The following PLCG2 variants were observed in gnomAD, a reference collection of about 807,000 sequenced individuals.
The protein encoded by PLCG2 is 1-phosphatidylinositol 4,5-bisphosphate phosphodiesterase gamma-2.
In PLCG2, 69 loss-of-function variants were observed where a neutral mutation model predicts 175.6. The ratio of observed to expected loss-of-function variants is 0.39; its 90% CI spans 0.32 to 0.48. The LOEUF is 0.48. Among genes scored for constraint, PLCG2 ranks in the 20% least tolerant of loss-of-function variants. PLCG2 has a pLI of 0.91. For missense variants in PLCG2, 1,798 were observed against 1,650.9 expected, an observed-to-expected ratio of 1.09 and a Z score of -1.54; for synonymous variants, 827 against 624.0, an observed-to-expected ratio of 1.33 and a Z score of -4.85.
At chr16:81,850,321 G>C (rs993792866) in intron 2 of PLCG2, among the ~76,000 whole-genome samples, 1 of 152,158 alleles carries the variant, frequency 6.6e-6, no homozygotes. Context: ...CATGAAGTCT[G>C]TAAAAGTACT....
chr16:81,922,453 G>C (rs1020148008), intron 21 of PLCG2, among the ~76,000 whole-genome samples: 4 of 152,336 alleles, frequency 2.6e-5, no homozygotes, highest in Non-Finnish European at 4.4e-5. Flanking sequence ...CGATACTATA[G>C]TTAGCACTTA....
At chr16:81,794,824 T>A (rs914687158) in intron 2 of PLCG2, among the ~76,000 whole-genome samples, 1 of 152,164 alleles carries the variant, frequency 6.6e-6, no homozygotes, top group Non-Finnish European at 1.5e-5. Flanking sequence ...ACATTTTCCA[T>A]TTATATGAGG....
At chr16:81,943,269 C>A (rs2143747062) in intron 30 of PLCG2, among the ~76,000 whole-genome samples, 1 of 152,346 alleles carries the variant, frequency 6.6e-6, no homozygotes, top group East Asian at 1.9e-4. Flanking sequence ...GCTCACAGTT[C>A]TGCAGGCTGT....
At chr16:81,764,445 A>G (rs1461252214) in intron 2 of PLCG2, among the ~76,000 whole-genome samples, 1 of 152,192 alleles carries the variant, frequency 6.6e-6, no homozygotes, top group Non-Finnish European at 1.5e-5. Flanking sequence ...GAATCAGGGG[A>G]TGTGTCTTTG....
intron 9 of PLCG2, among the ~76,000 whole-genome samples, chr16:81,887,672 C>T (rs1448892587): frequency 1.3e-5 from 2 of 152,192 alleles, no homozygotes; most frequent in African/African-American, 2.4e-5. Context: ...GCATCCAGCC[C>T]TTCCCATCTA....
chr16:81,793,417 G>C (rs952485336), intron 2 of PLCG2, among the ~76,000 whole-genome samples: 1 of 152,208 alleles, frequency 6.6e-6, no homozygotes, highest in Non-Finnish European at 1.5e-5. Context: ...CTTGGATTTT[G>C]TCTCAGGAGC....
In PLCG2 at chr16:81,932,857, G is replaced by A. The variant is rs1015726235; in HGVS notation, c.2739+1203G>A. On this transcript the variant is annotated intron_variant, in intron 25 of 32. Transcript: ENST00000564138. ...ACCAGCCATGGGGGAGGAACCATGA[G>A]CTTGTAGCCAGCTGCGCTGTCCTTC... 2.0e-5 allele frequency among the ~76,000 whole-genome samples: 3 copies of A among 152,234 alleles called. No homozygotes were observed. The East Asian group carries it at 5.8e-4, about 29-fold the overall frequency.
At chr16:81,871,066 T>C in intron 7 of PLCG2, 131 bp downstream of exon 7, 1 of 558,346 alleles carries the variant, frequency 1.8e-6, no homozygotes, top group Non-Finnish European at 3.1e-6. Flanking sequence ...TAAATGAGAA[T>C]GATGAAAGCA....
Position 81,907,687 on chromosome 16 carries a change from A to G in PLCG2, c.1470A>G (p.Lys490=). 6.2e-7 allele frequency: 1 copy of G among 1,612,676 alleles called. No homozygotes were observed. Among genetic ancestry groups the G allele is most frequent in the African/African-American group, 1.3e-5 (1 of 75,030 alleles). ...CTAATACCAGTTTCACTTTCTAGAA[A>G]TGGACTCGGCACTACTGCGCCATTG... is the stretch of plus-strand genomic sequence containing the variant. ...ELYMWDSIDQ[K]WTRHYCAIAD... Residue 490 remains lysine (K), a splice_region_variant and synonymous_variant, in exon 16 of 33, where the codon AAA becomes AAG. Transcript: ENST00000564138.
intron 2 of PLCG2, among the ~76,000 whole-genome samples, chr16:81,787,602 T>C (rs1353138827): frequency 6.6e-6 from 1 of 151,448 alleles, no homozygotes; most frequent in Non-Finnish European, 1.5e-5. Context: ...AATTCACCCA[T>C]TGTATGCAGC....
At chr16:81,921,448 G>GA (rs759913611) in intron 21 of PLCG2, 179 bp downstream of exon 21, 1 of 655,470 alleles carries the variant, frequency 1.5e-6, no homozygotes. Flanking sequence ...TAGTTTCAGG[G>GA]AAAATGTTAA....
chr16:81,744,452 C>T (rs952686226), intron 1 of PLCG2, among the ~76,000 whole-genome samples: 26 of 151,968 alleles, frequency 1.7e-4, no homozygotes, highest in African/African-American at 4.8e-4. Flanking sequence ...CGTGAGCCAC[C>T]GCACCCAGTC....
At chr16:81,740,138 C>CAAAAAAAAAAAAAAAAAAAAAAAAAAA (rs5818349) in intron 1 of PLCG2, 1 of 88,726 alleles carries the variant, frequency 1.1e-5, no homozygotes, top group Non-Finnish European at 2.1e-5. Flanking sequence ...ACTCTGTCTC[C>CAAAAAAAAAAAAAAAAAAAAAAAAAAA]AAAAAAAAAA....
intron 31 of PLCG2, among the ~76,000 whole-genome samples, chr16:81,950,561 G>A (rs190930715): frequency 1.3e-5 from 2 of 152,224 alleles, no homozygotes; most frequent in Admixed American, 1.3e-4. Context: ...TCCTACAAAT[G>A]GATAACATAC....
chr16:81,792,480 C>CAAAAAAAAA (rs532680550), intron 2 of PLCG2, among the ~76,000 whole-genome samples: 66 of 70,146 alleles, frequency 9.4e-4, no homozygotes, highest in Middle Eastern at 0.012. Context: ...GGCTCTGTCT[C>CAAAAAAAAA]AAAAAAAAAA....
chr16:81,880,902 C>T lies in PLCG2; in HGVS notation c.649-8C>T. 2 of 1,613,804 alleles carry T rather than the reference C, an allele frequency of 1.2e-6. No individual in the cohort carries two copies. The highest frequency in any genetic ancestry group is 1.7e-6 in the Non-Finnish European group (2 of 1,179,726). On this transcript the variant is annotated splice_polypyrimidine_tract_variant and splice_region_variant and intron_variant, in intron 7 of 32. Coordinates refer to ENST00000564138, the MANE Select transcript of PLCG2 (RefSeq NM_002661.5). ...GGTTCTTTTTTTTGTGTGTGCTTTC[C>T]ATTTCAGATTCTCGATGAATTCAAA...
At chr16:81,854,701 C>A in intron 3 of PLCG2, 114 bp downstream of exon 3, 1 of 977,262 alleles carries the variant, frequency 1.0e-6, no homozygotes, top group South Asian at 1.6e-5. Flanking sequence ...TATTTGGGGT[C>A]ATGGTTTTGA....
intron 10 of PLCG2, among the ~76,000 whole-genome samples, chr16:81,890,529 AT>A (rs1908581449): frequency 2.0e-5 from 3 of 152,244 alleles, no homozygotes; most frequent in Admixed American, 6.5e-5. Context: ...GGGTGGGATT[AT>A]TGATTTTGCC....
chr16:81,855,193 A>C (rs1350725356), intron 3 of PLCG2, among the ~76,000 whole-genome samples: 1 of 73,506 alleles, frequency 1.4e-5, no homozygotes, highest in Non-Finnish European at 3.4e-5. Flanking sequence ...ACTCTGTCTC[A>C]AAAAAAAAAA....
Sources: allele counts gnomAD v4.1 joint callset (sites outside exome capture counted in the v4.1 genomes callset), GRCh38; gene constraint gnomAD v4.1.1; transcripts MANE v1.5; gene names NCBI Gene and HGNC (gene_info 2026-07-23, HGNC 2026-07-21).